SPIRE1: variants seen among roughly 807,000 people sequenced by gnomAD.
The protein encoded by SPIRE1 is spire type actin nucleation factor 1.
Under a neutral mutation model 94.1 loss-of-function variants are expected in SPIRE1, and 40 were observed. The ratio of observed to expected loss-of-function variants is 0.43; its 90% CI spans 0.33 to 0.55. SPIRE1 has a LOEUF of 0.55. Among genes scored for constraint, SPIRE1 ranks in the 20% least tolerant of loss-of-function variants. The pLI, the probability that SPIRE1 is intolerant of heterozygous loss-of-function variation, is 0.06. For synonymous variants in SPIRE1, 376 were observed against 371.7 expected, an observed-to-expected ratio of 1.01 and a Z score of -0.13; for missense variants, 838 against 975.2, an observed-to-expected ratio of 0.86 and a Z score of 1.87.
At chr18:12,511,415 G>A (rs990663213) in intron 5 of SPIRE1, among the ~76,000 whole-genome samples, 6 of 152,200 alleles carry the variant, frequency 3.9e-5, no homozygotes, top group Admixed American at 1.3e-4. Flanking sequence ...TGCTCCTTAC[G>A]AGAATCTAAT....
At chr18:12,494,645 C>T (rs564687854) in intron 7 of SPIRE1, among the ~76,000 whole-genome samples, 5 of 150,078 alleles carry the variant, frequency 3.3e-5, no homozygotes, top group Admixed American at 2.0e-4. Flanking sequence ...CTGGCTAACA[C>T]GGTGAAACCC....
At chr18:12,496,675 T>A (rs986011805) in intron 6 of SPIRE1, among the ~76,000 whole-genome samples, 1 of 151,972 alleles carries the variant, frequency 6.6e-6, no homozygotes, top group Non-Finnish European at 1.5e-5. Flanking sequence ...CGAGACCATC[T>A]TGGCTAACAC....
chr18:12,507,869 G>A (rs1205578139), intron 5 of SPIRE1, among the ~76,000 whole-genome samples: 1 of 152,012 alleles, frequency 6.6e-6, no homozygotes, highest in Admixed American at 6.6e-5. Flanking sequence ...TGACATGGCT[G>A]AGCGCAGTGG....
chr18:12,562,985 T>C (rs1408298506), intron 2 of SPIRE1, among the ~76,000 whole-genome samples: 1 of 152,200 alleles, frequency 6.6e-6, no homozygotes, highest in Non-Finnish European at 1.5e-5. Flanking sequence ...GATGAGTATA[T>C]TTGAGAGATA....
chr18:12,631,266 T>C (rs1158455186), intron 2 of SPIRE1, among the ~76,000 whole-genome samples: 4 of 151,956 alleles, frequency 2.6e-5, no homozygotes, highest in African/African-American at 9.7e-5. Flanking sequence ...GTATTAGAAA[T>C]TAAAACCAAG....
chr18:12,549,752 C>T (rs1308135282), intron 2 of SPIRE1, among the ~76,000 whole-genome samples: 1 of 151,824 alleles, frequency 6.6e-6, no homozygotes, highest in East Asian at 1.9e-4. Flanking sequence ...CCCAATCAAC[C>T]CTATCCTTCT....
At chr18:12,475,883 C>G (rs2032550543) in intron 10 of SPIRE1, among the ~76,000 whole-genome samples, 1 of 152,202 alleles carries the variant, frequency 6.6e-6, no homozygotes. Context: ...GTCCGTACAC[C>G]CTGAGCGGGC....
At chr18:12,555,776 C>T (rs561862326) in intron 2 of SPIRE1, among the ~76,000 whole-genome samples, 2 of 152,290 alleles carry the variant, frequency 1.3e-5, no homozygotes, top group African/African-American at 4.8e-5. Context: ...AGGATGCCCA[C>T]TTTCATCACT....
intron 1 of SPIRE1, among the ~76,000 whole-genome samples, chr18:12,639,675 G>A (rs559402592): frequency 6.6e-6 from 1 of 152,122 alleles, no homozygotes; most frequent in African/African-American, 2.4e-5. Context: ...AGGTTGCAGT[G>A]AGCAGAGATC....
chr18:12,566,409 TAAAG>T (rs1460992391), intron 2 of SPIRE1, among the ~76,000 whole-genome samples: 1 of 152,042 alleles, frequency 6.6e-6, no homozygotes, highest in Non-Finnish European at 1.5e-5. Flanking sequence ...CAGATCTACG[TAAAG>T]AAAGGAGGAG....
intron 2 of SPIRE1, among the ~76,000 whole-genome samples, chr18:12,610,657 T>C (rs2037113502): frequency 6.6e-6 from 1 of 152,154 alleles, no homozygotes; most frequent in Admixed American, 6.5e-5. Flanking sequence ...GATCTTGCCT[T>C]AAATTCATGA....
chr18:12,639,826 A>C (rs947710837), intron 1 of SPIRE1, among the ~76,000 whole-genome samples: 1 of 151,502 alleles, frequency 6.6e-6, no homozygotes, highest in Admixed American at 6.6e-5. Flanking sequence ...CTGAGATGGT[A>C]CCACTGCACT....
Position 12,463,339 on chromosome 18 carries a change from T to C in SPIRE1, c.1638+12A>G. The C allele has an allele frequency of 1.2e-6, 2 of 1,607,340 alleles. No homozygotes were observed. The highest frequency in any genetic ancestry group is 1.7e-6 in the Non-Finnish European group (2 of 1,176,390). ...GGTCCCTAAGTTACTACAAAGTCTT[T>C]CCTGTACTTACAAGAGAGCGGGAAC... is the stretch of plus-strand genomic sequence containing the variant. On this transcript the variant is annotated intron_variant, in intron 12 of 16. Transcript: ENST00000409402.
chr18:12,540,779 C>T (rs960648251), intron 3 of SPIRE1, among the ~76,000 whole-genome samples: 1 of 152,234 alleles, frequency 6.6e-6, no homozygotes. Context: ...CTTTCCATGG[C>T]TTCAGTTATC....
chr18:12,544,436 T>A (rs1216667566), intron 3 of SPIRE1, among the ~76,000 whole-genome samples: 2 of 152,074 alleles, frequency 1.3e-5, no homozygotes, highest in East Asian at 3.9e-4. Context: ...ACTCTTGGCC[T>A]CAAGTGATCC....
intron 1 of SPIRE1, among the ~76,000 whole-genome samples, chr18:12,644,825 A>C (rs2144864519): frequency 6.6e-6 from 1 of 152,362 alleles, no homozygotes; most frequent in South Asian, 2.1e-4. Flanking sequence ...ATGGCTCAGT[A>C]AAAATGTATT....
intron 7 of SPIRE1, among the ~76,000 whole-genome samples, chr18:12,493,693 C>T (rs1003870741): frequency 2.0e-4 from 31 of 152,296 alleles, no homozygotes; most frequent in African/African-American, 7.0e-4. Flanking sequence ...AGGCATGAGC[C>T]GCTGCACCTG....
chr18:12,521,353 GAC>G (rs551188010), intron 4 of SPIRE1, among the ~76,000 whole-genome samples: 406 of 141,446 alleles, frequency 2.9e-3, no homozygotes, highest in Non-Finnish European at 5.0e-3. Context: ...TTTTTTTTTG[GAC>G]ACAGTTTTAC....
intron 2 of SPIRE1, among the ~76,000 whole-genome samples, chr18:12,577,160 T>C (rs1257576731): frequency 6.6e-6 from 1 of 152,094 alleles, no homozygotes; most frequent in African/African-American, 2.4e-5. Context: ...ATTATTTTTA[T>C]TTTTTGAGAC....
Sources: allele counts gnomAD v4.1 joint callset (sites outside exome capture counted in the v4.1 genomes callset), GRCh38; gene constraint gnomAD v4.1.1; transcripts MANE v1.5; gene names NCBI Gene and HGNC (gene_info 2026-07-23, HGNC 2026-07-21).